Variants in DAB1 observed in about 807,000 individuals in gnomAD.
DAB1 encodes the protein disabled homolog 1.
A neutral mutation model predicts 64.6 loss-of-function variants in DAB1; 15 were observed. The observed-to-expected ratio is 0.23, with a 90% CI of 0.16 to 0.36. DAB1 has a LOEUF of 0.36. Among genes scored for constraint, DAB1 ranks in the 10% least tolerant of loss-of-function variants. The pLI, the probability that DAB1 is intolerant of heterozygous loss-of-function variation, is 1.00. For missense variants in DAB1, 596 were observed against 706.7 expected (o/e 0.84, Z 1.78); for synonymous variants, 235 against 251.9 (o/e 0.93, Z 0.64).
chr1:57,590,581 T>C (rs1204134301), intron 7 of DAB1, among the ~76,000 whole-genome samples: 2 of 152,082 alleles, frequency 1.3e-5, no homozygotes, highest in African/African-American at 4.8e-5. Context: ...TCTGCACATC[T>C]TGGCCTCCCA....
intron 2 of DAB1, among the ~76,000 whole-genome samples, chr1:58,512,912 A>C (rs1646103036): frequency 6.6e-6 from 1 of 152,226 alleles, no homozygotes; most frequent in Admixed American, 6.5e-5. Context: ...TTACTAAAAA[A>C]GAGAAAAAAA....
chr1:57,773,742 AC>A (rs1649669554), intron 6 of DAB1, among the ~76,000 whole-genome samples: 1 of 151,918 alleles, frequency 6.6e-6, no homozygotes, highest in African/African-American at 2.4e-5. Context: ...CAATTCCACC[AC>A]TATTTGGTAA....
intron 9 of DAB1, among the ~76,000 whole-genome samples, chr1:57,049,489 C>T (rs957293046): frequency 1.1e-4 from 12 of 110,720 alleles, no homozygotes; most frequent in Admixed American, 8.4e-4. Context: ...AAGTTAGAGA[C>T]GGAAATTCCC....
At chr1:58,537,973 G>A (rs535658278) in intron 1 of DAB1, among the ~76,000 whole-genome samples, 20 of 152,280 alleles carry the variant, frequency 1.3e-4, no homozygotes, top group African/African-American at 4.3e-4. Flanking sequence ...TGGGATGAGC[G>A]TATTACTTCA....
intron 5 of DAB1, among the ~76,000 whole-genome samples, chr1:57,995,294 T>C (rs1467760219): frequency 2.6e-5 from 4 of 152,190 alleles, no homozygotes; most frequent in Non-Finnish European, 4.4e-5. Flanking sequence ...CCAGAATTCA[T>C]AGCAGCTGTG....
chr1:57,692,327 G>A lies in DAB1; in HGVS notation n.552-42662C>T, dbSNP rs376194230. Among the ~76,000 whole-genome samples the A allele has an allele frequency of 1.5e-3, 230 of 152,126 alleles. 11 individuals are homozygous for A. In the South Asian group the frequency reaches 0.048, roughly 31 times the overall value. On this transcript the variant is annotated intron_variant and non_coding_transcript_variant, in intron 6 of 20. Coordinates refer to the DAB1 transcript ENST00000485760. Reference sequence around the variant, plus strand: ...GATTTCTAGTATAAACTAAGAAGAGGGGAGAACAGCAGCATAAGTGGCTGG... The same window carrying A: ...GATTTCTAGTATAAACTAAGAAGAGAGGAGAACAGCAGCATAAGTGGCTGG...
intron 3 of DAB1, among the ~76,000 whole-genome samples, chr1:58,447,768 T>C (rs770084003): frequency 2.6e-5 from 4 of 152,054 alleles, no homozygotes; most frequent in Non-Finnish European, 4.4e-5. Context: ...GAGTCTCTTA[T>C]TTGAACATGG....
intron 3 of DAB1, among the ~76,000 whole-genome samples, chr1:58,400,054 T>C (rs1644556483): frequency 6.6e-6 from 1 of 151,978 alleles, no homozygotes; most frequent in African/African-American, 2.4e-5. Flanking sequence ...GTATATTTTG[T>C]GAATCTTAAA....
intron 7 of DAB1, among the ~76,000 whole-genome samples, chr1:57,562,574 G>A (rs940147822): frequency 1.1e-4 from 16 of 152,184 alleles, no homozygotes; most frequent in African/African-American, 3.1e-4. Flanking sequence ...GGCCATGTAT[G>A]CTCTGAATCA....
intron 6 of DAB1, among the ~76,000 whole-genome samples, chr1:57,704,284 A>G (rs1336240077): frequency 6.6e-6 from 1 of 152,138 alleles, no homozygotes; most frequent in Non-Finnish European, 1.5e-5. Flanking sequence ...GTAGCAATAA[A>G]CAGAAGCTGT....
At chr1:58,361,106 A>T (rs545804772) in intron 3 of DAB1, among the ~76,000 whole-genome samples, 1 of 152,334 alleles carries the variant, frequency 6.6e-6, no homozygotes, top group East Asian at 1.9e-4. Context: ...CACTGCAGAC[A>T]CTGAAGCCCT....
At chr1:57,112,264 A>G (rs191125852) in intron 4 of DAB1, among the ~76,000 whole-genome samples, 11 of 152,330 alleles carry the variant, frequency 7.2e-5, no homozygotes, top group Non-Finnish European at 1.5e-5. Flanking sequence ...AGCCAAAGAC[A>G]TACTTCAGAG....
At chr1:57,434,257 G>C (rs1277468775) in intron 7 of DAB1, among the ~76,000 whole-genome samples, 1 of 152,034 alleles carries the variant, frequency 6.6e-6, no homozygotes, top group Non-Finnish European at 1.5e-5. Context: ...CAGCACAATG[G>C]ATACAAAAAT....
chr1:58,005,381 A>G (rs975885671), intron 5 of DAB1, among the ~76,000 whole-genome samples: 2 of 152,182 alleles, frequency 1.3e-5, no homozygotes, highest in Non-Finnish European at 2.9e-5. Context: ...GTCTAGGGGC[A>G]GAGATGATCA....
chr1:57,191,778 C>G (rs1419544056), intron 2 of DAB1, among the ~76,000 whole-genome samples: 2 of 152,092 alleles, frequency 1.3e-5, no homozygotes, highest in African/African-American at 4.8e-5. Context: ...AGTAGGGAGA[C>G]AGACTTTTGA....
rs6143228 is a variant in DAB1 at position 58,266,038 on chromosome 1, C to CCCACCACCACCA, written n.309+77302_309+77313dup. On this transcript the variant is annotated intron_variant and non_coding_transcript_variant, in intron 4 of 20. Coordinates refer to the DAB1 transcript ENST00000485760. Reference sequence around the variant, plus strand: ...TCTCTATACACACACACACATACACCCCACCACCACCACCACCACAGAGAA... The same window carrying CCCACCACCACCA: ...TCTCTATACACACACACACATACACCCCACCACCACCACCACCACCACCACCACCACAGAGAA... 4.0e-3 allele frequency among the ~76,000 whole-genome samples: 607 copies of CCCACCACCACCA among 150,180 alleles called. 1 individual carries two copies. Among genetic ancestry groups the CCCACCACCACCA allele is most frequent in the East Asian group, 4.9e-3 (25 of 5,104 alleles).
chr1:58,379,452 A>C (rs1258391816), intron 3 of DAB1, among the ~76,000 whole-genome samples: 3 of 152,220 alleles, frequency 2.0e-5, no homozygotes, highest in Non-Finnish European at 2.9e-5. Flanking sequence ...ATTAATATCT[A>C]CTGGAAATAT....
At chr1:58,285,784 T>G (rs912358524) in intron 4 of DAB1, among the ~76,000 whole-genome samples, 8 of 152,138 alleles carry the variant, frequency 5.3e-5, no homozygotes, top group African/African-American at 1.9e-4. Flanking sequence ...TACACTATCA[T>G]TGACATTCTT....
chr1:57,659,986 TAAATAAATAAATAAATAA>T (rs142536482), intron 6 of DAB1, among the ~76,000 whole-genome samples: 3,309 of 145,720 alleles, frequency 0.023, 115 homozygotes, highest in African/African-American at 0.079. Context: ...CAAAAATAAA[TAAATAAATAAATAAATAA>T]ATAAATAAAT....
Sources: allele counts gnomAD v4.1 joint callset (sites outside exome capture counted in the v4.1 genomes callset), GRCh38; gene constraint gnomAD v4.1.1; transcripts MANE v1.5; gene names NCBI Gene and HGNC (gene_info 2026-07-23, HGNC 2026-07-21).